Variants in TSPAN15 observed in about 807,000 individuals in gnomAD.
TSPAN15 encodes tetraspanin 15.
TSPAN15 carries 20 observed loss-of-function variants against 34.5 expected under a neutral mutation model. The observed-to-expected ratio is 0.58, with a 90% CI of 0.41 to 0.84. The LOEUF is 0.84. Among genes scored for constraint, TSPAN15 ranks in the 40% least tolerant of loss-of-function variants. TSPAN15 has a pLI of 0.00. For missense variants in TSPAN15, 313 were observed against 386.1 expected (o/e 0.81, Z 1.59); for synonymous variants, 155 against 153.9 (o/e 1.01, Z -0.05).
intron 1 of TSPAN15, among the ~76,000 whole-genome samples, chr10:69,478,154 G>C (rs1323208647): frequency 2.2e-5 from 3 of 135,070 alleles, no homozygotes; most frequent in Non-Finnish European, 4.4e-5. Context: ...GCAGGTGGCA[G>C]TGTGCAGAGC....
chr10:69,465,841 T>C (rs1841372692), intron 1 of TSPAN15, among the ~76,000 whole-genome samples: 1 of 140,916 alleles, frequency 7.1e-6, no homozygotes, highest in Admixed American at 7.2e-5. Context: ...GTTCTAGGCA[T>C]GAGGGCATCT....
chr10:69,530,818 CTCTATATAT>C, the TSPAN15 span, among the ~76,000 whole-genome samples: 12 of 42,562 alleles, frequency 2.8e-4, no homozygotes, highest in Admixed American at 9.9e-4. Flanking sequence ...CTCTCTCTCT[CTCTATATAT>C]ATATATATAT....
chr10:69,520,708 T>C, the TSPAN15 span, among the ~76,000 whole-genome samples: 1 of 152,254 alleles, frequency 6.6e-6, no homozygotes, highest in East Asian at 1.9e-4. Flanking sequence ...ATTATGTTTA[T>C]CCATTTATCT....
At chr10:69,479,197 C>T (rs890209538) in intron 1 of TSPAN15, among the ~76,000 whole-genome samples, 5 of 152,216 alleles carry the variant, frequency 3.3e-5, no homozygotes, top group African/African-American at 1.2e-4. Flanking sequence ...TGCAGGTCCT[C>T]GTTAAGTGCA....
chr10:69,458,297 GA>G (rs1367439162), intron 1 of TSPAN15, among the ~76,000 whole-genome samples: 1 of 152,142 alleles, frequency 6.6e-6, no homozygotes, highest in African/African-American at 2.4e-5. Flanking sequence ...TTATTTTTGT[GA>G]AAATCATACA....
the TSPAN15 span, among the ~76,000 whole-genome samples, chr10:69,532,865 C>T: frequency 6.6e-6 from 1 of 152,098 alleles, no homozygotes; most frequent in South Asian, 2.1e-4. Flanking sequence ...AAAAAGTGGC[C>T]TAAGAACATG....
chr10:69,511,718 A>G (rs780737784), downstream of TSPAN15, among the ~76,000 whole-genome samples: 3 of 152,140 alleles, frequency 2.0e-5, no homozygotes, highest in Non-Finnish European at 4.4e-5. Context: ...TTAGTGCTAT[A>G]AATTTCCCTC....
intron 4 of TSPAN15, among the ~76,000 whole-genome samples, chr10:69,496,715 CCT>C (rs1432422887): frequency 2.6e-5 from 4 of 152,274 alleles, no homozygotes; most frequent in African/African-American, 9.6e-5. Flanking sequence ...TGGGGACTAG[CCT>C]CTCCCCACAT....
At chr10:69,501,195 A>G (rs1469576860) in intron 5 of TSPAN15, among the ~76,000 whole-genome samples, 1 of 152,170 alleles carries the variant, frequency 6.6e-6, no homozygotes, top group Non-Finnish European at 1.5e-5. Flanking sequence ...TCAGCATCCC[A>G]TCAGGGGTGT....
chr10:69,451,821 G>T (rs1363037450), intron 1 of TSPAN15, 131 bp downstream of exon 1: 1 of 631,712 alleles, frequency 1.6e-6, no homozygotes, highest in Non-Finnish European at 2.3e-6. Context: ...CGGACTCCTT[G>T]TCTTTCTACC....
intron 5 of TSPAN15, among the ~76,000 whole-genome samples, chr10:69,498,632 A>G (rs1045811824): frequency 6.6e-6 from 1 of 152,086 alleles, no homozygotes; most frequent in Non-Finnish European, 1.5e-5. Context: ...AAATCTATTG[A>G]GCACCTACCT....
chr10:69,482,592 G>A (rs771686774), intron 1 of TSPAN15, among the ~76,000 whole-genome samples: 18 of 152,164 alleles, frequency 1.2e-4, no homozygotes, highest in Admixed American at 2.0e-4. Context: ...TGGCGGCCTC[G>A]CACTTCCAGG....
In TSPAN15 at chr10:69,493,152, C is replaced by T. The variant is rs1379922946; in HGVS notation, c.358-2442C>T. Among the ~76,000 whole-genome samples, 5 of 152,234 alleles carry T rather than the reference C, an allele frequency of 3.3e-5. No individual in the cohort carries two copies. In the South Asian group the frequency reaches 6.2e-4, roughly 19 times the overall value. ...TCCCTTCATCACCCAGAGGAGCAGGCACCCAAGGATGGAAAAGCTTTGTGA... is the reference window on the plus strand; with the variant it reads ...TCCCTTCATCACCCAGAGGAGCAGGTACCCAAGGATGGAAAAGCTTTGTGA... On this transcript the variant is annotated intron_variant, in intron 3 of 7. Coordinates refer to ENST00000373290, the MANE Select transcript of TSPAN15 (RefSeq NM_012339.5).
the TSPAN15 span, among the ~76,000 whole-genome samples, chr10:69,533,900 G>C: frequency 6.6e-6 from 1 of 152,164 alleles, no homozygotes; most frequent in African/African-American, 2.4e-5. Flanking sequence ...GTCTGCTGCA[G>C]AATTGATTGC....
chr10:69,475,788 T>C (rs1042108213), intron 1 of TSPAN15, among the ~76,000 whole-genome samples: 1 of 152,158 alleles, frequency 6.6e-6, no homozygotes, highest in Non-Finnish European at 1.5e-5. Context: ...AAGGCTATGT[T>C]TGTCACCTTT....
chr10:69,499,491 A>G (rs892389172), intron 5 of TSPAN15, among the ~76,000 whole-genome samples: 1 of 152,218 alleles, frequency 6.6e-6, no homozygotes, highest in African/African-American at 2.4e-5. Context: ...CCAGGGCAGC[A>G]GCATCTGAAT....
At chr10:69,457,943 A>G (rs1841150362) in intron 1 of TSPAN15, among the ~76,000 whole-genome samples, 1 of 152,206 alleles carries the variant, frequency 6.6e-6, no homozygotes, top group African/African-American at 2.4e-5. Context: ...TAGACTAAGA[A>G]TGAGAAGGGC....
At chr10:69,454,036 G>T (rs931616836) in intron 1 of TSPAN15, among the ~76,000 whole-genome samples, 3 of 152,174 alleles carry the variant, frequency 2.0e-5, no homozygotes, top group Non-Finnish European at 2.9e-5. Flanking sequence ...ACTGTTATTT[G>T]GAAACCATTT....
At chr10:69,542,287 A>G in the TSPAN15 span, among the ~76,000 whole-genome samples, 2 of 152,136 alleles carry the variant, frequency 1.3e-5, no homozygotes, top group African/African-American at 4.8e-5. Flanking sequence ...CCACATCACT[A>G]TCAGCATTTT....
Sources: gnomAD v4.1 joint callset for allele counts (sites outside exome capture counted in the v4.1 genomes callset) on GRCh38, gnomAD v4.1.1 for gene constraint, MANE v1.5 for transcripts, NCBI Gene and HGNC (gene_info 2026-07-23, HGNC 2026-07-21) for gene names.